LRRC4C: variants seen among roughly 807,000 people sequenced by gnomAD.
LRRC4C encodes the protein leucine rich repeat containing 4C.
In LRRC4C, 5 loss-of-function variants were observed where a neutral mutation model predicts 33.6. The observed-to-expected ratio is 0.15, with a 90% CI of 0.08 to 0.31. The LOEUF (loss-of-function observed/expected upper bound fraction) is 0.31, where lower values mean the gene tolerates loss of function less well. Ranked by LOEUF, LRRC4C falls within the 10% of genes least tolerant of loss-of-function variation. The pLI, the probability that LRRC4C is intolerant of heterozygous loss-of-function variation, is 1.00. For missense variants in LRRC4C, 560 were observed against 796.7 expected (o/e 0.70, Z 3.58); for synonymous variants, 329 against 302.0 (o/e 1.09, Z -0.93).
chr11:40,693,740 G>A (rs752086809), intron 2 of LRRC4C, among the ~76,000 whole-genome samples: 1 of 151,996 alleles, frequency 6.6e-6, no homozygotes, highest in African/African-American at 2.4e-5. Flanking sequence ...ATGTGTCTGC[G>A]GCATGGAAGG....
At chr11:40,359,204 C>A (rs1251171466) in intron 3 of LRRC4C, among the ~76,000 whole-genome samples, 1 of 152,184 alleles carries the variant, frequency 6.6e-6, no homozygotes, top group African/African-American at 2.4e-5. Flanking sequence ...CTCTCAAAAG[C>A]AGGATACCAG....
intron 1 of LRRC4C, among the ~76,000 whole-genome samples, chr11:40,978,415 A>T (rs1243727898): frequency 1.3e-5 from 2 of 152,174 alleles, no homozygotes; most frequent in Admixed American, 1.3e-4. Context: ...GGAATATTTT[A>T]TAATATTTGG....
intron 2 of LRRC4C, among the ~76,000 whole-genome samples, chr11:40,894,254 A>C (rs919768119): frequency 6.6e-6 from 1 of 152,154 alleles, no homozygotes; most frequent in African/African-American, 2.4e-5. Context: ...GTAATTAATA[A>C]ATTAACTTAA....
chr11:41,117,511 A>G (rs1942198111), intron 1 of LRRC4C, among the ~76,000 whole-genome samples: 1 of 152,180 alleles, frequency 6.6e-6, no homozygotes, highest in African/African-American at 2.4e-5. Flanking sequence ...GTATGTATGT[A>G]AAAAGTGCAT....
At chr11:41,151,767 A>T (rs1164636835) in intron 1 of LRRC4C, among the ~76,000 whole-genome samples, 1 of 152,210 alleles carries the variant, frequency 6.6e-6, no homozygotes, top group Admixed American at 6.5e-5. Flanking sequence ...CACTATTAAA[A>T]CAGAGAAAGA....
At chr11:41,112,440 G>T (rs890743011) in intron 1 of LRRC4C, among the ~76,000 whole-genome samples, 13 of 152,066 alleles carry the variant, frequency 8.5e-5, no homozygotes, top group African/African-American at 2.2e-4. Context: ...GCAGCATGGG[G>T]TTGTTTGCAG....
At chr11:40,871,133 C>T (rs1394209361) in intron 2 of LRRC4C, among the ~76,000 whole-genome samples, 1 of 152,084 alleles carries the variant, frequency 6.6e-6, no homozygotes, top group East Asian at 1.9e-4. Context: ...GGTTGTCTGC[C>T]TCAAACCCTG....
At chr11:40,794,977 C>G (rs1565070894) in intron 2 of LRRC4C, among the ~76,000 whole-genome samples, 1 of 152,148 alleles carries the variant, frequency 6.6e-6, no homozygotes, top group Non-Finnish European at 1.5e-5. Context: ...TTACTCAATT[C>G]TTAGTTAGAC....
intron 3 of LRRC4C, among the ~76,000 whole-genome samples, chr11:40,468,789 C>A (rs1952780562): frequency 6.6e-6 from 1 of 151,920 alleles, no homozygotes; most frequent in South Asian, 2.1e-4. Flanking sequence ...GAAAAAAATA[C>A]CAGGGAAACA....
At chr11:40,346,680 A>T (rs1947146489) in intron 3 of LRRC4C, among the ~76,000 whole-genome samples, 1 of 152,234 alleles carries the variant, frequency 6.6e-6, no homozygotes, top group African/African-American at 2.4e-5. Flanking sequence ...ACAAACCTGC[A>T]CATGTGCCCC....
intron 2 of LRRC4C, among the ~76,000 whole-genome samples, chr11:40,893,917 C>T (rs1046737010): frequency 6.6e-6 from 1 of 152,062 alleles, no homozygotes; most frequent in African/African-American, 2.4e-5. Context: ...ATCTGAGCTG[C>T]TCTGCTTCTT....
chr11:41,331,791 C>T (rs1278868318), intron 1 of LRRC4C, among the ~76,000 whole-genome samples: 3 of 151,986 alleles, frequency 2.0e-5, no homozygotes, highest in African/African-American at 7.3e-5. Context: ...CAAACGAACC[C>T]CAGGGTAGAT....
chr11:40,757,627 T>G (rs1949017691), intron 2 of LRRC4C, among the ~76,000 whole-genome samples: 1 of 151,096 alleles, frequency 6.6e-6, no homozygotes, highest in Non-Finnish European at 1.5e-5. Flanking sequence ...TATTTTTTTC[T>G]CAGCAAGCTG....
chr11:40,430,591 C>G (rs774377299), intron 3 of LRRC4C, among the ~76,000 whole-genome samples: 1 of 152,098 alleles, frequency 6.6e-6, no homozygotes, highest in Non-Finnish European at 1.5e-5. Context: ...TTTTCTGGAA[C>G]TGGCAAAAGA....
chr11:41,233,683 G>C (rs1173991670), intron 1 of LRRC4C, among the ~76,000 whole-genome samples: 1 of 151,864 alleles, frequency 6.6e-6, no homozygotes, highest in Admixed American at 6.6e-5. Flanking sequence ...ATGCAAATAT[G>C]ATAAACTAAA....
intron 2 of LRRC4C, among the ~76,000 whole-genome samples, chr11:40,786,546 T>C (rs1385018745): frequency 6.6e-6 from 1 of 152,176 alleles, no homozygotes; most frequent in Non-Finnish European, 1.5e-5. Context: ...CATATACCTC[T>C]GAGAGTTTTT....
At chr11:40,938,959 C>T (rs112153339) in intron 1 of LRRC4C, among the ~76,000 whole-genome samples, 74 of 151,966 alleles carry the variant, frequency 4.9e-4, no homozygotes, top group African/African-American at 1.7e-3. Context: ...CTGGGACAAA[C>T]AGAGAAAATA....
chr11:40,375,413 C>T (rs534251041), intron 3 of LRRC4C, among the ~76,000 whole-genome samples: 94 of 152,226 alleles, frequency 6.2e-4, no homozygotes, highest in African/African-American at 2.2e-3. Flanking sequence ...ACACGCCATC[C>T]CTGATACTGG....
chr11:40,685,588 TACCCAGAAA>T lies in LRRC4C; in HGVS notation c.-406-37319_-406-37311del, dbSNP rs1221045531. The stretch of plus-strand genomic sequence containing the variant: ...TATATATTAATTTGAAATGTATCAC[TACCCAGAAA>T]ACCTGGAAAATAGAATTCGAGGACA... On this transcript the variant is annotated intron_variant, in intron 2 of 6. Coordinates refer to ENST00000528697, the MANE Select transcript of LRRC4C (RefSeq NM_001258419.2). 3.3e-5 allele frequency among the ~76,000 whole-genome samples: 5 copies of T among 151,998 alleles called. No homozygotes were observed. In the South Asian group the frequency reaches 6.2e-4, roughly 19 times the overall value.
Sources: gnomAD v4.1 joint callset for allele counts (sites outside exome capture counted in the v4.1 genomes callset) on GRCh38, gnomAD v4.1.1 for gene constraint, MANE v1.5 for transcripts, NCBI Gene and HGNC (gene_info 2026-07-23, HGNC 2026-07-21) for gene names.